HHAT: variants seen among roughly 807,000 people sequenced by gnomAD.
The protein encoded by HHAT is hedgehog acyltransferase.
In HHAT, 47 loss-of-function variants were observed where a neutral mutation model predicts 70.8. That is an observed-to-expected ratio of 0.66 (90% CI 0.53 to 0.85). HHAT has a LOEUF of 0.85. Among genes scored for constraint, HHAT ranks in the 40% least tolerant of loss-of-function variants. The probability of loss-of-function intolerance (pLI) is 0.00; values close to 1 mark genes in which losing one functional copy is unlikely to be tolerated. For synonymous variants in HHAT, 228 were observed against 247.6 expected, an observed-to-expected ratio of 0.92 and a Z score of 0.74; for missense variants, 609 against 604.8, an observed-to-expected ratio of 1.01 and a Z score of -0.07.
At chr1:210,470,997 G>C (rs899055709) in intron 8 of HHAT, among the ~76,000 whole-genome samples, 3 of 152,210 alleles carry the variant, frequency 2.0e-5, no homozygotes, top group African/African-American at 7.2e-5. Flanking sequence ...TGAAGGCAGT[G>C]ATCATGTCTT....
chr1:210,554,109 G>T (rs1243230960), intron 9 of HHAT, among the ~76,000 whole-genome samples: 2 of 150,738 alleles, frequency 1.3e-5, no homozygotes, highest in African/African-American at 4.9e-5. Flanking sequence ...GCAGGGAGGG[G>T]ATGCATTTTA....
At chr1:210,556,645 T>A (rs1276024825) in intron 9 of HHAT, among the ~76,000 whole-genome samples, 1 of 152,202 alleles carries the variant, frequency 6.6e-6, no homozygotes. Flanking sequence ...ACAGCTTCAC[T>A]CTCTTGCCAT....
chr1:210,429,997 G>C (rs1288441181), intron 7 of HHAT, among the ~76,000 whole-genome samples: 1 of 151,786 alleles, frequency 6.6e-6, no homozygotes, highest in Non-Finnish European at 1.5e-5. Context: ...GCTGAATACA[G>C]TTTATCATAA....
intron 10 of HHAT, among the ~76,000 whole-genome samples, chr1:210,606,644 G>A (rs1466399944): frequency 6.6e-6 from 1 of 152,022 alleles, no homozygotes; most frequent in Admixed American, 6.6e-5. Flanking sequence ...CTGTTTCTTT[G>A]TGCTGGGTCT....
intron 10 of HHAT, among the ~76,000 whole-genome samples, chr1:210,592,879 CT>C (rs35245794): frequency 0.035 from 5,084 of 145,450 alleles, 138 homozygotes; most frequent in African/African-American, 0.07. Context: ...ACCAACTTTT[CT>C]TTTTTTTTTT....
At chr1:210,359,900 T>C (rs6681083) in intron 2 of HHAT, among the ~76,000 whole-genome samples, 94,002 of 151,976 alleles carry the variant, frequency 0.62, 30,528 homozygotes, top group African/African-American at 0.84. Flanking sequence ...TCCGAATTTT[T>C]GGGAGACTGA....
chr1:210,506,273 T>C (rs1432704255), intron 8 of HHAT, among the ~76,000 whole-genome samples: 1 of 152,150 alleles, frequency 6.6e-6, no homozygotes, highest in Non-Finnish European at 1.5e-5. Flanking sequence ...TTGCTAATGG[T>C]AATCAGACAG....
intron 7 of HHAT, among the ~76,000 whole-genome samples, chr1:210,430,811 C>T (rs2093221034): frequency 6.6e-6 from 1 of 151,722 alleles, no homozygotes; most frequent in African/African-American, 2.4e-5. Flanking sequence ...TGCTTTTTGT[C>T]TTTTTGATTT....
At chr1:210,589,245 C>A (rs1018459881) in intron 10 of HHAT, 1 of 152,114 alleles carries the variant, frequency 6.6e-6, no homozygotes, top group Non-Finnish European at 1.5e-5. Context: ...ATAAAGATAG[C>A]CATAGTACAA....
chr1:210,630,383 A>G (rs2148889057), intron 11 of HHAT, among the ~76,000 whole-genome samples: 1 of 152,310 alleles, frequency 6.6e-6, no homozygotes, highest in South Asian at 2.1e-4. Context: ...CCCCTTGGTG[A>G]CACCACTACC....
intron 1 of HHAT, among the ~76,000 whole-genome samples, chr1:210,345,909 A>G (rs2086476663): frequency 6.6e-6 from 1 of 150,934 alleles, no homozygotes; most frequent in African/African-American, 2.5e-5. Context: ...CAACAACAAT[A>G]AAAAACTAGC....
chr1:210,664,086 T>C (rs1339427925), intron 11 of HHAT, among the ~76,000 whole-genome samples: 2 of 152,230 alleles, frequency 1.3e-5, no homozygotes, highest in East Asian at 3.8e-4. Flanking sequence ...TCCCCCACGT[T>C]TGGAGTTAGA....
At chr1:210,632,100 G>T (rs1670975799) in intron 11 of HHAT, among the ~76,000 whole-genome samples, 1 of 152,168 alleles carries the variant, frequency 6.6e-6, no homozygotes, top group Non-Finnish European at 1.5e-5. Flanking sequence ...ATTAGCTGCT[G>T]CTGTGGAGTA....
chr1:210,446,672 C>T (rs190556675), intron 7 of HHAT, among the ~76,000 whole-genome samples: 8 of 152,320 alleles, frequency 5.3e-5, no homozygotes, highest in Admixed American at 6.5e-5. Context: ...CATGGTGCCA[C>T]CGCAGGGCGC....
intron 10 of HHAT, among the ~76,000 whole-genome samples, chr1:210,605,190 C>T (rs1665129656): frequency 6.6e-6 from 1 of 152,164 alleles, no homozygotes; most frequent in Non-Finnish European, 1.5e-5. Context: ...AGCAAACCTC[C>T]AGGGTAGGTG....
At chr1:210,641,078 C>T (rs543031991) in intron 11 of HHAT, among the ~76,000 whole-genome samples, 2 of 152,152 alleles carry the variant, frequency 1.3e-5, no homozygotes, top group East Asian at 1.9e-4. Context: ...CTTTAGGGTA[C>T]GAATTATGAG....
At chr1:210,472,732 T>TAACCTAATGA (rs1286791760) in intron 8 of HHAT, among the ~76,000 whole-genome samples, 8 of 152,190 alleles carry the variant, frequency 5.3e-5, no homozygotes, top group Non-Finnish European at 1.2e-4. Flanking sequence ...TTCATTAGGT[T>TAACCTAATGA]ATAGCTTGGT....
chr1:210,671,306 C>T (rs956743137), intron 11 of HHAT, among the ~76,000 whole-genome samples: 9 of 152,200 alleles, frequency 5.9e-5, no homozygotes, highest in Non-Finnish European at 7.3e-5. Context: ...CATCCTGCTC[C>T]CTGAACCCAC....
At chr1:210,419,423 C>T (rs573152409) in intron 7 of HHAT, among the ~76,000 whole-genome samples, 6 of 152,138 alleles carry the variant, frequency 3.9e-5, no homozygotes, top group Admixed American at 1.3e-4. Context: ...GCAGAGCCCA[C>T]GCCCTTTTCT....
Sources: allele counts gnomAD v4.1 joint callset (sites outside exome capture counted in the v4.1 genomes callset), GRCh38; gene constraint gnomAD v4.1.1; transcripts MANE v1.5; gene names NCBI Gene and HGNC (gene_info 2026-07-23, HGNC 2026-07-21).